PSG7: variants seen among roughly 807,000 people sequenced by gnomAD.
PSG7 encodes pregnancy-specific beta-1-glycoprotein 7.
Under a neutral mutation model 45.6 loss-of-function variants are expected in PSG7, and 57 were observed. The ratio of observed to expected loss-of-function variants is 1.25; its 90% confidence interval spans 1.01 to 1.56. PSG7 has a LOEUF of 1.56. Ranked by LOEUF, PSG7 falls within the 40% of genes most tolerant of loss-of-function variation. The pLI is 0.00. For synonymous variants in PSG7, 298 were observed against 194.4 expected, an observed-to-expected ratio of 1.53 and a Z score of -4.43; for missense variants, 796 against 508.4, an observed-to-expected ratio of 1.57 and a Z score of -5.44.
At chr19:42,933,307 A>ATATATATATATATATTTTTT (rs56691588) in intron 2 of PSG7, among the ~76,000 whole-genome samples, 8 of 13,502 alleles carry the variant, frequency 5.9e-4, no homozygotes, top group Non-Finnish European at 1.3e-3. Flanking sequence ...ATATATATAT[A>ATATATATATATATATTTTTT]TTTTTTTTTT....
intron 3 of PSG7, 125 bp from the exon 4 acceptor site, chr19:42,926,841 G>A: frequency 6.8e-7 from 1 of 1,477,570 alleles, no homozygotes; most frequent in Non-Finnish European, 9.1e-7. Flanking sequence ...CCAATAGCTG[G>A]TGTGTGTGTC....
chr19:42,932,328 G>A (rs187890540), intron 2 of PSG7, among the ~76,000 whole-genome samples: 2 of 151,500 alleles, frequency 1.3e-5, no homozygotes, highest in African/African-American at 2.4e-5. Flanking sequence ...ATCTCTGAGG[G>A]ATTTTAACGA....
rs932003861 is a variant in PSG7, at chr19:42,924,820, C to T, written c.1248G>A (p.Trp416Ter). ...SKSVTVRVSD[W>*]TLP ...GAACTAGTAGAATTCAGGGTAATGT[C>T]CAGTCTACAGTGGATAATAAAAACA... Residue 416 changes from tryptophan to a stop codon, truncating the protein, a stop_gained, in exon 6 of 6, where the codon TGG becomes TGA. Transcript: ENST00000406070. LOFTEE classifies it high-confidence loss of function. 2 of 755,832 alleles carry T rather than the reference C, an allele frequency of 2.6e-6. No homozygotes were observed. The highest frequency in any genetic ancestry group is 2.4e-5 in the East Asian group (1 of 41,168). The allele number at this position is 755,832 out of a possible 1,614,324, so 46.8% of individuals were successfully genotyped here. A position where few individuals can be genotyped will look rare whatever the true frequency, so the allele number is the denominator to read the frequency against.
At chr19:42,936,064 G>C (rs1306062625) in intron 1 of PSG7, 2 of 442,454 alleles carry the variant, frequency 4.5e-6, no homozygotes, top group East Asian at 4.8e-5. Flanking sequence ...CCAGGGGTCC[G>C]CACGGCCCCC....
chr19:42,930,385 C>G (rs1972994322), intron 2 of PSG7, among the ~76,000 whole-genome samples: 1 of 151,554 alleles, frequency 6.6e-6, no homozygotes, highest in Non-Finnish European at 1.5e-5. Context: ...AAGGAATGAC[C>G]TACAAAGAGT....
chr19:42,933,676 G>C (rs1973082954), intron 2 of PSG7, among the ~76,000 whole-genome samples: 1 of 150,840 alleles, frequency 6.6e-6, no homozygotes, highest in African/African-American at 2.4e-5. Context: ...GACAGGGCTT[G>C]CCAGTCAGAA....
In PSG7 at chr19:42,929,473, G is replaced by A. The variant is rs369383860; in HGVS notation, c.678C>T (p.Ser226=). Residue 226 remains serine (S), a synonymous_variant, in exon 3 of 6, where the codon AGC becomes AGT. Transcript: ENST00000406070. ...ECEIRNPVSA[S]RSDPVTLNLL... ...GATTCAGGGTGACTGGGTCACTGCG[G>A]CTGGCACTCACTGGGTTCCGTATTT... 2.5e-4 allele frequency: 399 copies of A among 1,612,644 alleles called. 7 individuals are homozygous for A. The Middle Eastern group carries it at 3.8e-3, about 15-fold the overall frequency.
At chr19:42,935,363 C>T in intron 2 of PSG7, 41 bp downstream of exon 2, 2 of 1,606,990 alleles carry the variant, frequency 1.2e-6, no homozygotes, top group Non-Finnish European at 1.7e-6. Context: ...TAGAAATGAC[C>T]CCTGCCCCCC....
chr19:42,925,415 T>C (rs1035998257), intron 5 of PSG7: 2 of 483,162 alleles, frequency 4.1e-6, no homozygotes, highest in South Asian at 2.9e-5. Context: ...TGAACCACTA[T>C]AAGCTAGAGA....
At chr19:42,927,287 G>C (rs1236521684) in intron 3 of PSG7, 3 of 159,152 alleles carry the variant, frequency 1.9e-5, no homozygotes, top group Non-Finnish European at 4.2e-5. Context: ...CAGTCATCAG[G>C]CAGTGGAGGC....
intron 2 of PSG7, among the ~76,000 whole-genome samples, chr19:42,933,293 A>AT (rs1286434390): frequency 1.5e-3 from 16 of 10,544 alleles, no homozygotes; most frequent in African/African-American, 4.2e-3. Context: ...ATATATATAT[A>AT]TATATATATA....
In PSG7 at chr19:42,933,307, A is replaced by ATTTTTTTTTTTTT. The variant is rs397965905; in HGVS notation, c.430+2084_430+2096dup. ...TATATATATATATATATATATATAT[A>ATTTTTTTTTTTTT]TTTTTTTTTTTTTTTGGTGTATGTA... On this transcript the variant is annotated intron_variant, in intron 2 of 5. Coordinates refer to ENST00000406070, the MANE Select transcript of PSG7 (RefSeq NM_002783.3). Among the ~76,000 whole-genome samples, 4 of 13,506 alleles carry ATTTTTTTTTTTTT rather than the reference A, an allele frequency of 3.0e-4. 1 individual carries two copies. Among genetic ancestry groups the ATTTTTTTTTTTTT allele is most frequent in the African/African-American group, 7.0e-4 (4 of 5,742 alleles). 8.9% of individuals were successfully genotyped at this position (13,506 alleles called of 152,430 possible).
intron 2 of PSG7, among the ~76,000 whole-genome samples, chr19:42,931,159 C>G (rs968085027): frequency 6.6e-6 from 1 of 151,260 alleles, no homozygotes; most frequent in African/African-American, 2.4e-5. Context: ...TGTTCTGACT[C>G]TAATAACAAA....
At chr19:42,936,722 G>C (rs1285761035) in intron 1 of PSG7, among the ~76,000 whole-genome samples, 1 of 150,970 alleles carries the variant, frequency 6.6e-6, no homozygotes, top group Non-Finnish European at 1.5e-5. Flanking sequence ...ATCTCGGCTA[G>C]CTGCAACTTC....
chr19:42,934,735 T>C (rs1463478379), intron 2 of PSG7, among the ~76,000 whole-genome samples: 3 of 151,558 alleles, frequency 2.0e-5, no homozygotes, highest in Non-Finnish European at 4.4e-5. Context: ...TATTAGACTT[T>C]CTATGGAGTG....
chr19:42,934,885 G>C lies in PSG7; in HGVS notation c.430+519C>G, dbSNP rs146658145. ...GCTGAGCCCTGGCTGGTGAACAGCT[G>C]CAGGAGACACAGTCCTCAGACAGCT... is the stretch of plus-strand genomic sequence containing the variant. On this transcript the variant is annotated intron_variant, in intron 2 of 5. Coordinates refer to ENST00000406070, the MANE Select transcript of PSG7 (RefSeq NM_002783.3). 2.3e-4 allele frequency among the ~76,000 whole-genome samples: 35 copies of C among 151,616 alleles called. 1 individual carries two copies. The East Asian group carries it at 2.3e-3, about 10-fold the overall frequency.
intron 3 of PSG7, chr19:42,927,536 T>A (rs895191929): frequency 5.9e-5 from 9 of 151,484 alleles, no homozygotes; most frequent in South Asian, 2.1e-4. Context: ...CATTTGCAAA[T>A]GCAGAACTGA....
intron 2 of PSG7, among the ~76,000 whole-genome samples, chr19:42,932,895 A>T (rs1247707168): frequency 1.3e-5 from 2 of 151,204 alleles, no homozygotes; most frequent in South Asian, 2.1e-4. Context: ...AAAATTTGTA[A>T]CTAATTGCTC....
intron 3 of PSG7, chr19:42,927,257 G>A (rs1413651390): frequency 4.9e-5 from 8 of 162,416 alleles, no homozygotes; most frequent in East Asian, 1.7e-4. Flanking sequence ...GGAGACCATA[G>A]TCAAGCCTGG....
Sources: gnomAD v4.1 joint callset for allele counts (sites outside exome capture counted in the v4.1 genomes callset) on GRCh38, gnomAD v4.1.1 for gene constraint, MANE v1.5 for transcripts, NCBI Gene and HGNC (gene_info 2026-07-23, HGNC 2026-07-21) for gene names.